Variants in KDM4B observed in about 807,000 individuals in gnomAD.
KDM4B encodes the protein lysine-specific demethylase 4B.
Under a neutral mutation model 125.2 loss-of-function variants are expected in KDM4B, and 32 were observed. That is an observed-to-expected ratio of 0.26 (90% confidence interval 0.19 to 0.34). The LOEUF (loss-of-function observed/expected upper bound fraction) is 0.34, where lower values mean the gene tolerates loss of function less well. Ranked by LOEUF, KDM4B falls within the 10% of genes least tolerant of loss-of-function variation. KDM4B has a pLI of 1.00. For synonymous variants in KDM4B, 721 were observed against 677.9 expected (o/e 1.06, Z -0.99); for missense variants, 1,190 against 1,577.7 (o/e 0.75, Z 4.16).
At chr19:5,119,620 C>G (rs754683022) in intron 10 of KDM4B, 33 bp from the exon 11 acceptor site, 5 of 1,542,118 alleles carry the variant, frequency 3.2e-6, no homozygotes, top group African/African-American at 1.4e-5. Context: ...CCTCCCTGGT[C>G]TCCCCTCCTG....
intron 21 of KDM4B, 122 bp from the exon 22 acceptor site, chr19:5,150,236 T>G (rs1415984041): frequency 6.1e-6 from 4 of 658,592 alleles, no homozygotes; most frequent in African/African-American, 1.8e-5. Flanking sequence ...TGGCTGCATG[T>G]GGCCTCTAGC....
At chr19:5,068,575 T>A (rs995518708) in intron 6 of KDM4B, among the ~76,000 whole-genome samples, 5 of 152,256 alleles carry the variant, frequency 3.3e-5, no homozygotes, top group Non-Finnish European at 7.3e-5. Context: ...TTCTTCCGCC[T>A]GTGTCCTTGG....
At chr19:4,994,965 G>C (rs991280390) in intron 1 of KDM4B, among the ~76,000 whole-genome samples, 1 of 152,170 alleles carries the variant, frequency 6.6e-6, no homozygotes, top group East Asian at 1.9e-4. Flanking sequence ...TACTCCTTTT[G>C]AACTGTGCTT....
At chr19:5,017,848 C>G (rs1225274677) in intron 2 of KDM4B, among the ~76,000 whole-genome samples, 2 of 151,706 alleles carry the variant, frequency 1.3e-5, no homozygotes, top group African/African-American at 4.8e-5. Flanking sequence ...TCACGCCATT[C>G]TCCTGCCTCA....
At chr19:5,040,415 A>G (rs547536655) in intron 4 of KDM4B, among the ~76,000 whole-genome samples, 111 of 152,162 alleles carry the variant, frequency 7.3e-4, no homozygotes, top group African/African-American at 2.6e-3. Context: ...TGTAACACAC[A>G]TGGGTACACA....
intron 9 of KDM4B, among the ~76,000 whole-genome samples, chr19:5,097,768 G>A (rs2038855718): frequency 6.6e-6 from 1 of 152,242 alleles, no homozygotes; most frequent in Non-Finnish European, 1.5e-5. Flanking sequence ...GGTACTGGGT[G>A]CAGTGTTGGC....
chr19:5,054,157 T>C (rs1371132463), intron 6 of KDM4B, among the ~76,000 whole-genome samples: 1 of 152,200 alleles, frequency 6.6e-6, no homozygotes, highest in Non-Finnish European at 1.5e-5. Context: ...TGATCACACC[T>C]CACTGCAACC....
At chr19:5,059,090 C>T (rs2037500971) in intron 6 of KDM4B, among the ~76,000 whole-genome samples, 1 of 152,210 alleles carries the variant, frequency 6.6e-6, no homozygotes, top group African/African-American at 2.4e-5. Context: ...CGCCCGCCCA[C>T]CCAGTCTACG....
At chr19:4,979,145 G>A (rs1434981106) in intron 1 of KDM4B, among the ~76,000 whole-genome samples, 1 of 152,010 alleles carries the variant, frequency 6.6e-6, no homozygotes, top group East Asian at 1.9e-4. Flanking sequence ...TTTGCCAGAT[G>A]TGGTGGCTAT....
chr19:4,987,995 G>C (rs557110690), intron 1 of KDM4B, among the ~76,000 whole-genome samples: 1 of 152,206 alleles, frequency 6.6e-6, no homozygotes, highest in Non-Finnish European at 1.5e-5. Context: ...CCTGCACAGC[G>C]ATGTGGTCTT....
chr19:5,104,399 ACT>A (rs2038996554), intron 9 of KDM4B, among the ~76,000 whole-genome samples: 1 of 151,780 alleles, frequency 6.6e-6, no homozygotes, highest in South Asian at 2.1e-4. Context: ...GGGAGACGTG[ACT>A]CTTTTTGAGC....
chr19:4,980,677 C>A (rs1211523462), intron 1 of KDM4B, among the ~76,000 whole-genome samples: 1 of 152,150 alleles, frequency 6.6e-6, no homozygotes, highest in Non-Finnish European at 1.5e-5. Context: ...ATCTGCCTGC[C>A]TCGGCCTCCC....
intron 2 of KDM4B, among the ~76,000 whole-genome samples, chr19:5,022,125 G>A (rs150267008): frequency 3.0e-4 from 46 of 152,340 alleles, no homozygotes; most frequent in African/African-American, 1.0e-3. Context: ...CAAGTGGCCC[G>A]GAGGTGGTGA....
At chr19:5,009,616 A>G (rs1282211195) in intron 1 of KDM4B, among the ~76,000 whole-genome samples, 2 of 152,228 alleles carry the variant, frequency 1.3e-5, no homozygotes, top group African/African-American at 4.8e-5. Context: ...TGTTGCAAAG[A>G]TAGCACAGAG....
intron 6 of KDM4B, among the ~76,000 whole-genome samples, chr19:5,049,721 A>G (rs748192033): frequency 1.7e-4 from 26 of 152,124 alleles, no homozygotes; most frequent in Non-Finnish European, 5.9e-5. Context: ...TGACCCCAGC[A>G]TTAGCCAACG....
At chr19:5,067,657 C>T (rs925843024) in intron 6 of KDM4B, among the ~76,000 whole-genome samples, 7 of 152,000 alleles carry the variant, frequency 4.6e-5, no homozygotes, top group Non-Finnish European at 7.4e-5. Context: ...GGAGGGAATG[C>T]CAGGGGCTTG....
chr19:4,981,385 T>C (rs2034636704), intron 1 of KDM4B, among the ~76,000 whole-genome samples: 1 of 152,146 alleles, frequency 6.6e-6, no homozygotes, highest in African/African-American at 2.4e-5. Context: ...TGTGAGAAGA[T>C]GCCAGGGCCT....
intron 2 of KDM4B, among the ~76,000 whole-genome samples, chr19:5,023,616 A>G (rs1311058091): frequency 5.9e-5 from 9 of 152,088 alleles, no homozygotes; most frequent in Non-Finnish European, 1.2e-4. Flanking sequence ...ATGGGGCTTC[A>G]CCTGATGCCC....
chr19:5,041,293 G>C (rs763458608), intron 5 of KDM4B, 42 bp downstream of exon 5: 2 of 1,470,298 alleles, frequency 1.4e-6, no homozygotes, highest in Admixed American at 1.7e-5. Context: ...CCAGCTTCCT[G>C]GTGGGTGGTG....
Sources: gnomAD v4.1 joint callset for allele counts (sites outside exome capture counted in the v4.1 genomes callset) on GRCh38, gnomAD v4.1.1 for gene constraint, MANE v1.5 for transcripts, NCBI Gene and HGNC (gene_info 2026-07-23, HGNC 2026-07-21) for gene names.